The following ULK4 variants were observed in gnomAD, a reference collection of about 807,000 sequenced individuals.
The protein encoded by ULK4 is inactive serine/threonine-protein kinase ULK4.
ULK4 carries 133 observed loss-of-function variants against 160.6 expected under a neutral mutation model. The ratio of observed to expected loss-of-function variants is 0.83; its 90% CI spans 0.72 to 0.96. The LOEUF (loss-of-function observed/expected upper bound fraction) is 0.96, where lower values mean the gene tolerates loss of function less well. ULK4 is among the 40% of genes least tolerant of loss of function. ULK4 has a pLI of 0.00. For missense variants in ULK4, 1,580 were observed against 1,499.5 expected (o/e 1.05, Z -0.89); for synonymous variants, 534 against 539.8 (o/e 0.99, Z 0.15).
intron 21 of ULK4, among the ~76,000 whole-genome samples, chr3:41,780,451 A>G (rs188568190): frequency 1.3e-4 from 20 of 152,250 alleles, no homozygotes; most frequent in African/African-American, 4.8e-4. Flanking sequence ...AGGTCTTTTT[A>G]GAGTCAACGA....
At chr3:41,406,691 C>T (rs1186219929) in intron 34 of ULK4, among the ~76,000 whole-genome samples, 1 of 152,090 alleles carries the variant, frequency 6.6e-6, no homozygotes, top group Admixed American at 6.5e-5. Context: ...CTTTTTTCTA[C>T]TTTCCTGTGG....
intron 18 of ULK4, among the ~76,000 whole-genome samples, chr3:41,828,083 T>C (rs1274329231): frequency 6.7e-6 from 1 of 149,442 alleles, no homozygotes; most frequent in Non-Finnish European, 1.5e-5. Context: ...GAAAAGGCCT[T>C]TGACAAAATT....
intron 35 of ULK4, among the ~76,000 whole-genome samples, chr3:41,347,163 C>A (rs996516956): frequency 6.6e-6 from 1 of 152,192 alleles, no homozygotes; most frequent in Non-Finnish European, 1.5e-5. Context: ...CGCTGCAGCT[C>A]TAGCTGAGTT....
rs919493225 is a variant in ULK4 at position 41,389,747 on chromosome 3, C to T, written c.3678+8332G>A. ...CCACTTGATCATGGTGGATAAGCTT[C>T]TTGATGTGCTGCTGGATTCGGTTTG... is the stretch of plus-strand genomic sequence containing the variant. On this transcript the variant is annotated intron_variant, in intron 35 of 36. Coordinates refer to ENST00000301831, the MANE Select transcript of ULK4 (RefSeq NM_017886.4). 1.9e-4 allele frequency among the ~76,000 whole-genome samples: 29 copies of T among 152,018 alleles called. 1 individual carries two copies. The highest frequency in any genetic ancestry group is 3.9e-4 in the Admixed American group (6 of 15,242).
intron 34 of ULK4, among the ~76,000 whole-genome samples, chr3:41,417,666 C>A (rs573619578): frequency 6.6e-6 from 1 of 152,074 alleles, no homozygotes; most frequent in Non-Finnish European, 1.5e-5. Flanking sequence ...GCAGCAGGAA[C>A]AAGAGAAAAG....
intron 33 of ULK4, among the ~76,000 whole-genome samples, chr3:41,459,382 T>C (rs2083631808): frequency 6.6e-6 from 1 of 152,170 alleles, no homozygotes; most frequent in Non-Finnish European, 1.5e-5. Context: ...CCTGTCGTTA[T>C]ATCTCCAGCA....
chr3:41,627,337 G>A (rs549102373), intron 30 of ULK4, among the ~76,000 whole-genome samples: 1 of 152,246 alleles, frequency 6.6e-6, no homozygotes, highest in Admixed American at 6.5e-5. Flanking sequence ...GGAGATCACT[G>A]GGTTGGTCCA....
intron 32 of ULK4, among the ~76,000 whole-genome samples, chr3:41,502,392 G>T (rs1234544779): frequency 6.6e-6 from 1 of 152,180 alleles, no homozygotes; most frequent in African/African-American, 2.4e-5. Context: ...GAGATGGGCA[G>T]TTTCTTGTAA....
chr3:41,369,867 T>C (rs921014368), intron 35 of ULK4, among the ~76,000 whole-genome samples: 1 of 151,836 alleles, frequency 6.6e-6, no homozygotes, highest in Non-Finnish European at 1.5e-5. Flanking sequence ...AACAATACTT[T>C]GTGTACTGAA....
At chr3:41,442,747 C>T (rs2083203622) in intron 34 of ULK4, among the ~76,000 whole-genome samples, 1 of 152,056 alleles carries the variant, frequency 6.6e-6, no homozygotes, top group African/African-American at 2.4e-5. Flanking sequence ...ACATGAGCCA[C>T]TGCACCTGGT....
intron 35 of ULK4, among the ~76,000 whole-genome samples, chr3:41,394,161 G>A (rs561672554): frequency 2.4e-4 from 36 of 152,102 alleles, no homozygotes; most frequent in African/African-American, 7.9e-4. Context: ...TAACAAGACC[G>A]ACCACATTAC....
chr3:41,897,931 C>T (rs560547183), intron 14 of ULK4, among the ~76,000 whole-genome samples: 6 of 152,264 alleles, frequency 3.9e-5, no homozygotes, highest in Non-Finnish European at 5.9e-5. Context: ...CTGATGGTCA[C>T]CCTAAATAAG....
intron 32 of ULK4, among the ~76,000 whole-genome samples, chr3:41,521,123 A>G (rs1029054253): frequency 6.6e-6 from 1 of 152,224 alleles, no homozygotes; most frequent in Non-Finnish European, 1.5e-5. Context: ...ACATGAAAGA[A>G]AAACACCCAC....
chr3:41,898,289 G>A (rs73069209), intron 14 of ULK4, 143 bp downstream of exon 14: 74,209 of 548,398 alleles, frequency 0.14, 5,697 homozygotes, highest in Middle Eastern at 0.23. Context: ...TTTACAATTC[G>A]TGTAACACTG....
intron 19 of ULK4, among the ~76,000 whole-genome samples, chr3:41,818,512 T>C (rs1317293712): frequency 1.3e-5 from 2 of 152,220 alleles, no homozygotes; most frequent in African/African-American, 4.8e-5. Context: ...AATGACTTAA[T>C]TCTCATATTA....
At chr3:41,861,709 T>C (rs1322930124) in intron 17 of ULK4, among the ~76,000 whole-genome samples, 3 of 152,186 alleles carry the variant, frequency 2.0e-5, no homozygotes, top group Non-Finnish European at 4.4e-5. Flanking sequence ...GGAAATTCTC[T>C]ATTATCTTTT....
intron 17 of ULK4, among the ~76,000 whole-genome samples, chr3:41,871,970 G>A (rs1180744542): frequency 6.6e-6 from 1 of 152,116 alleles, no homozygotes; most frequent in Non-Finnish European, 1.5e-5. Flanking sequence ...TAAAGACTCT[G>A]GATAACCTTA....
chr3:41,701,111 T>C (rs1163012681), intron 27 of ULK4, among the ~76,000 whole-genome samples: 4 of 152,076 alleles, frequency 2.6e-5, no homozygotes, highest in African/African-American at 9.7e-5. Flanking sequence ...AAGTTTAATG[T>C]ATATGTGATC....
chr3:41,731,940 T>A (rs567693934), intron 22 of ULK4, among the ~76,000 whole-genome samples: 28 of 151,890 alleles, frequency 1.8e-4, no homozygotes, highest in African/African-American at 6.5e-4. Flanking sequence ...TGCAGAAGAG[T>A]GTAGCTAGAC....
Sources: gnomAD v4.1 joint callset for allele counts (sites outside exome capture counted in the v4.1 genomes callset) on GRCh38, gnomAD v4.1.1 for gene constraint, MANE v1.5 for transcripts, NCBI Gene and HGNC (gene_info 2026-07-23, HGNC 2026-07-21) for gene names.